The following VPS54 variants were observed in gnomAD, a reference collection of about 807,000 sequenced individuals.
VPS54 encodes VPS54 subunit of GARP complex, also known as vacuolar protein sorting-associated protein 54.
Under a neutral mutation model 121.5 loss-of-function variants are expected in VPS54, and 45 were observed. The observed-to-expected ratio is 0.37, with a 90% CI of 0.29 to 0.47. The LOEUF (loss-of-function observed/expected upper bound fraction) is 0.47. VPS54 is among the 20% of genes least tolerant of loss of function. The pLI is 0.99. For synonymous variants in VPS54, 371 were observed against 385.8 expected (o/e 0.96, Z 0.45); for missense variants, 1,090 against 1,131.4 (o/e 0.96, Z 0.52).
intron 5 of VPS54, among the ~76,000 whole-genome samples, chr2:63,966,490 T>C (rs72808262): frequency 0.18 from 26,824 of 152,196 alleles, 3,166 homozygotes; most frequent in Non-Finnish European, 0.24. Context: ...CAATAAGGCC[T>C]ACCCGTTATA....
At position 64,007,575 on chromosome 2, in the gene VPS54, A is replaced by T. The variant is rs141142023; in HGVS notation, c.-21+11363T>A. Among the ~76,000 whole-genome samples, 694 of 152,322 alleles carry T rather than the reference A, an allele frequency of 4.6e-3. 9 individuals carry two copies. The highest frequency in any genetic ancestry group is 0.015 in the African/African-American group (643 of 41,568). On this transcript the variant is annotated intron_variant, in intron 1 of 22. Transcript: ENST00000272322. ...AACAACCATAATTACTTTGGAGAAAAAATATTCTTGTAGTGAACAGAATCC... is the reference window on the plus strand; with the variant it reads ...AACAACCATAATTACTTTGGAGAAATAATATTCTTGTAGTGAACAGAATCC...
intron 3 of VPS54, among the ~76,000 whole-genome samples, chr2:63,974,316 C>T (rs1031076169): frequency 2.6e-5 from 4 of 152,206 alleles, no homozygotes; most frequent in Non-Finnish European, 5.9e-5. Flanking sequence ...TATGTCTGTT[C>T]TTTCACCAAT....
intron 1 of VPS54, among the ~76,000 whole-genome samples, chr2:64,011,192 T>G (rs187487893): frequency 2.0e-5 from 3 of 152,374 alleles, no homozygotes; most frequent in Admixed American, 2.0e-4. Flanking sequence ...ATATACTTTT[T>G]AAGTCTAGAT....
At chr2:63,938,059 G>GTGT (rs9309357) in intron 11 of VPS54, among the ~76,000 whole-genome samples, 10,218 of 140,348 alleles carry the variant, frequency 0.073, 642 homozygotes, top group African/African-American at 0.17. Flanking sequence ...TGGTGTGTGT[G>GTGT]GTGTGTGTGT....
Position 63,983,866 on chromosome 2 carries a change from G to A in VPS54, c.134C>T (p.Thr45Ile). The stretch of plus-strand genomic sequence containing the variant: ...CCTACAAAAAAAAAAAGCATTACCT[G>A]TGGGTTCCTTGGGACACACATCTGG... Reference protein sequence around the residue: ...SLPDVCPKEPTGDSHSLYVAP... With the variant: ...SLPDVCPKEPIGDSHSLYVAP... Residue 45 changes from threonine (T) to isoleucine (I), a missense_variant and splice_region_variant, in exon 2 of 23, where the codon ACA becomes ATA. Around this residue, in one of 2 missense-constraint regions of VPS54, gnomAD observed 801 missense variants for 757.0 expected, o/e 1.06. Transcript: ENST00000272322. 15 of 1,592,460 alleles carry A rather than the reference G, an allele frequency of 9.4e-6. No homozygotes were observed. The highest frequency in any genetic ancestry group is 1.2e-5 in the South Asian group (1 of 84,894).
At chr2:63,988,430 A>C (rs563049314) in intron 1 of VPS54, among the ~76,000 whole-genome samples, 3 of 152,204 alleles carry the variant, frequency 2.0e-5, no homozygotes, top group Non-Finnish European at 4.4e-5. Flanking sequence ...TTTTGCATCA[A>C]TAGTCACAGA....
At position 63,981,855 on chromosome 2, in the gene VPS54, G is replaced by C. The variant is rs1486525984; in HGVS notation, c.169C>G (p.Leu57Val). ...GTCCATCTATGTTGATCTGTAACTAGAGATGGGGCAACATATAAACTATGT... is the reference window on the plus strand; with the variant it reads ...GTCCATCTATGTTGATCTGTAACTACAGATGGGGCAACATATAAACTATGT... ...DSHSLYVAPS[L>V]VTDQHRWTVY... Residue 57 changes from leucine (L) to valine (V), a missense_variant, in exon 3 of 23, where the codon CTA (leucine) becomes GTA (valine). Leu to Val is a conservative substitution (Grantham distance 32). Transcript: ENST00000272322. The C allele has an allele frequency of 1.9e-6, 3 of 1,613,206 alleles. No individual in the cohort carries two copies. The East Asian group carries it at 6.7e-5, about 36-fold the overall frequency.
chr2:63,924,098 A>G (rs1438632929), intron 12 of VPS54, among the ~76,000 whole-genome samples: 1 of 152,246 alleles, frequency 6.6e-6, no homozygotes, highest in East Asian at 1.9e-4. Flanking sequence ...GGTTCAATGT[A>G]TAAAGTGAGC....
intron 3 of VPS54, among the ~76,000 whole-genome samples, chr2:63,972,934 TAA>T: frequency 7.1e-6 from 1 of 140,174 alleles, no homozygotes; most frequent in African/African-American, 2.6e-5. Context: ...ACGTTCTGAG[TAA>T]AAAAAAAAAA....
chr2:64,014,789 AC>A (rs1239237693), intron 1 of VPS54, among the ~76,000 whole-genome samples: 5 of 140,662 alleles, frequency 3.6e-5, no homozygotes, highest in Non-Finnish European at 8.1e-5. Context: ...GATTATCACT[AC>A]CCCTATTTTA....
chr2:63,976,109 A>T (rs1417627006), intron 3 of VPS54, among the ~76,000 whole-genome samples: 1 of 152,152 alleles, frequency 6.6e-6, no homozygotes, highest in Non-Finnish European at 1.5e-5. Flanking sequence ...TGAATAGCCA[A>T]CACGGGCAGA....
intron 7 of VPS54, among the ~76,000 whole-genome samples, chr2:63,957,709 A>T (rs1369848866): frequency 6.6e-6 from 1 of 152,210 alleles, no homozygotes; most frequent in African/African-American, 2.4e-5. Context: ...AAGATGTGTT[A>T]GTTGAAAATT....
chr2:63,944,618 T>C lies in VPS54; in HGVS notation c.1283A>G (p.Asp428Gly), dbSNP rs2104515747. 6.2e-7 allele frequency: 1 copy of C among 1,610,518 alleles called. No homozygotes were observed. Among genetic ancestry groups the C allele is most frequent in the Non-Finnish European group, 8.5e-7 (1 of 1,178,568 alleles). The change falls in exon 10 of 23, where the codon GAC becomes GGC. Residue 428 changes from aspartate to glycine, a missense_variant. Asp to Gly is a moderately conservative substitution (Grantham distance 94). Coordinates refer to ENST00000272322, the MANE Select transcript of VPS54 (RefSeq NM_016516.3). ...TACTTACTTCACAACAACATCTGTGTCTATTTCTTCTGTTTGTGAAACTTT... is the reference window on the plus strand; with the variant it reads ...TACTTACTTCACAACAACATCTGTGCCTATTTCTTCTGTTTGTGAAACTTT... ...INKVSQTEEIDTDVVVKLADQ... is the reference protein window; with the variant it reads ...INKVSQTEEIGTDVVVKLADQ...
chr2:63,999,149 C>T (rs1576009045), intron 1 of VPS54, among the ~76,000 whole-genome samples: 1 of 152,098 alleles, frequency 6.6e-6, no homozygotes, highest in African/African-American at 2.4e-5. Flanking sequence ...AAGGTTTCAT[C>T]ATGTTAGCCA....
At chr2:63,954,207 C>T (rs1014954645) in intron 7 of VPS54, among the ~76,000 whole-genome samples, 6 of 152,076 alleles carry the variant, frequency 3.9e-5, no homozygotes, top group African/African-American at 1.4e-4. Flanking sequence ...CCTGTCATAA[C>T]ACAAAGTAAG....
At chr2:63,949,252 T>C in intron 7 of VPS54, 89 bp from the exon 8 acceptor site, 1 of 1,344,908 alleles carries the variant, frequency 7.4e-7, no homozygotes. Context: ...GTAAAACTTT[T>C]TCAGTTGACA....
chr2:63,913,398 C>A (rs868283419), intron 17 of VPS54, 88 bp from the exon 18 acceptor site: 1 of 867,168 alleles, frequency 1.2e-6, no homozygotes, highest in Middle Eastern at 2.4e-4. Context: ...AATACATTCC[C>A]CTTTCCTCTC....
In VPS54 at chr2:63,984,001, G is replaced by C. The variant is rs770253353; in HGVS notation, c.-2C>G. On this transcript the variant is annotated 5_prime_UTR_variant, in exon 2 of 23. Coordinates refer to ENST00000272322, the MANE Select transcript of VPS54 (RefSeq NM_016516.3). Reference sequence around the variant, plus strand: ...TGAAGAACTGTGGCTTGAAGCCATTGCATAAAATCACCACTCAACTGAAAA... The same window carrying C: ...TGAAGAACTGTGGCTTGAAGCCATTCCATAAAATCACCACTCAACTGAAAA... 1.9e-6 allele frequency: 3 copies of C among 1,600,584 alleles called. No individual in the cohort carries two copies. The East Asian group carries it at 6.7e-5, about 36-fold the overall frequency.
At chr2:63,947,247 A>G in intron 9 of VPS54, 136 bp downstream of exon 9, 1 of 833,366 alleles carries the variant, frequency 1.2e-6, no homozygotes, top group Non-Finnish European at 1.7e-6. Context: ...TTTTACTTTC[A>G]TTTTTCTAAA....
Sources: allele counts gnomAD v4.1 joint callset (sites outside exome capture counted in the v4.1 genomes callset), GRCh38; gene constraint gnomAD v4.1.1; regional missense constraint gnomAD v4.1.1; transcripts MANE v1.5; gene names NCBI Gene and HGNC (gene_info 2026-07-23, HGNC 2026-07-21).